Variants in PBRM1 observed in about 807,000 individuals in gnomAD.
The protein encoded by PBRM1 is polybromo 1, also known as protein polybromo-1.
Under a neutral mutation model 194.5 loss-of-function variants are expected in PBRM1, and 27 were observed. That is an observed-to-expected ratio of 0.14 (90% CI 0.10 to 0.19). The LOEUF (loss-of-function observed/expected upper bound fraction) is 0.19, where lower values mean the gene tolerates loss of function less well. Among genes scored for constraint, PBRM1 ranks in the 10% least tolerant of loss-of-function variants. PBRM1 has a pLI of 1.00. For synonymous variants in PBRM1, 655 were observed against 693.2 expected (o/e 0.94, Z 0.87); for missense variants, 1,466 against 2,077.2 (o/e 0.71, Z 5.72).
chr3:52,587,068 T>A (rs959160745), intron 19 of PBRM1, among the ~76,000 whole-genome samples: 19 of 152,116 alleles, frequency 1.2e-4, no homozygotes, highest in Admixed American at 4.6e-4. Flanking sequence ...AACTGAAAAT[T>A]TGTAATGATT....
intron 1 of PBRM1, chr3:52,685,521 T>G (rs1281925585): frequency 6.6e-6 from 1 of 151,928 alleles, no homozygotes; most frequent in African/African-American, 2.4e-5. Context: ...GCGGGGAGTT[T>G]CCGACCCGTA....
At chr3:52,670,711 C>A (rs1224701753) in intron 2 of PBRM1, among the ~76,000 whole-genome samples, 1 of 152,188 alleles carries the variant, frequency 6.6e-6, no homozygotes. Context: ...AGACTATATT[C>A]TCAGCCAGCA....
chr3:52,589,855 T>C (rs2092839723), intron 17 of PBRM1, among the ~76,000 whole-genome samples: 1 of 151,796 alleles, frequency 6.6e-6, no homozygotes, highest in African/African-American at 2.4e-5. Context: ...CGAGACGGAG[T>C]TTCGCTCTTG....
At chr3:52,647,629 T>A (rs140154040) in intron 7 of PBRM1, among the ~76,000 whole-genome samples, 137 of 151,812 alleles carry the variant, frequency 9.0e-4, no homozygotes, top group African/African-American at 3.1e-3. Flanking sequence ...ATCCCTATAG[T>A]AGAATATTAT....
chr3:52,683,265 T>C (rs2097243504), upstream of PBRM1, among the ~76,000 whole-genome samples: 1 of 151,372 alleles, frequency 6.6e-6, no homozygotes. Flanking sequence ...ACCCAGTTAC[T>C]TGGGAGGCTG....
intron 10 of PBRM1, among the ~76,000 whole-genome samples, chr3:52,639,048 A>G (rs2095956355): frequency 6.7e-6 from 1 of 150,354 alleles, no homozygotes; most frequent in African/African-American, 2.5e-5. Context: ...GCAATGGCAC[A>G]ATCTTGGCTC....
Position 52,609,119 on chromosome 3 carries a change from T to C in PBRM1, c.2567+194A>G, listed in dbSNP as rs1044890067. 7.3e-6 allele frequency: 4 copies of C among 544,956 alleles called. No homozygotes were observed. The allele number at this position is 544,956 out of a possible 1,614,324, so 33.8% of individuals were successfully genotyped here. On this transcript the variant is annotated intron_variant, in intron 16 of 29. Transcript: ENST00000296302. The surrounding 1 kb of genome is among the most constrained non-coding windows in gnomAD (Gnocchi z 4.1). ...CTCACTGGCCTTAAACTAGATGACT[T>C]AGTGGTGTGCCTTCTCTCCCCCACA... is the stretch of plus-strand genomic sequence containing the variant.
chr3:52,639,231 C>T (rs2095968121), intron 10 of PBRM1, among the ~76,000 whole-genome samples: 1 of 152,158 alleles, frequency 6.6e-6, no homozygotes, highest in Admixed American at 6.5e-5. Flanking sequence ...CCACCTCAGG[C>T]TCCAAAAGTG....
Position 52,615,539 on chromosome 3 carries a change from A to G in PBRM1, c.1819-83T>C. 5.8e-6 allele frequency: 5 copies of G among 865,096 alleles called. No homozygotes were observed. The South Asian group carries it at 5.8e-5, about 10-fold the overall frequency. 53.6% of individuals were successfully genotyped at this position (865,096 alleles called of 1,614,324 possible). A position where few individuals can be genotyped will look rare whatever the true frequency, so the allele number is the denominator to read the frequency against. The stretch of plus-strand genomic sequence containing the variant: ...ATGCATCCATAAAGAAGTTTTAAAA[A>G]GACAGTTTATGATAGTTGGGAGCTT... On this transcript the variant is annotated intron_variant, in intron 14 of 29. Transcript: ENST00000296302.
At chr3:52,682,545 A>G (rs1009201020), upstream of PBRM1, among the ~76,000 whole-genome samples, 12 of 152,238 alleles carry the variant, frequency 7.9e-5, no homozygotes, top group Non-Finnish European at 1.5e-4. Flanking sequence ...GTAAGATAAG[A>G]AAAAGTTTCA....
exon 18 of PBRM1, chr3:52,589,187 C>A (rs1470122828): frequency 6.2e-7 from 1 of 1,604,848 alleles, no homozygotes; most frequent in Non-Finnish European, 8.5e-7. Flanking sequence ...AAGCTACAGT[C>A]CTGGCTGTAT....
intron 3 of PBRM1, among the ~76,000 whole-genome samples, chr3:52,663,025 T>C (rs1256502618): frequency 2.0e-5 from 3 of 152,158 alleles, no homozygotes; most frequent in Non-Finnish European, 4.4e-5. Flanking sequence ...CATAATAAAC[T>C]CTTGACTGAA....
intron 27 of PBRM1, among the ~76,000 whole-genome samples, chr3:52,552,870 C>T (rs1458084449): frequency 6.6e-6 from 1 of 152,258 alleles, no homozygotes; most frequent in African/African-American, 2.4e-5. Flanking sequence ...CCTGCTGCAA[C>T]AGCAATTCAC....
At chr3:52,548,355 G>T in intron 29 of PBRM1, 120 bp from the exon 32 acceptor site, 2 of 575,928 alleles carry the variant, frequency 3.5e-6, no homozygotes, top group Non-Finnish European at 2.9e-6. Context: ...TAAATATTAT[G>T]AATTTTAACT....
intron 6 of PBRM1, among the ~76,000 whole-genome samples, chr3:52,650,367 A>G (rs2096455823): frequency 7.1e-6 from 1 of 141,456 alleles, no homozygotes; most frequent in South Asian, 2.2e-4. Flanking sequence ...GTCTCAAAAA[A>G]AAAAAAAAAA....
upstream of PBRM1, among the ~76,000 whole-genome samples, chr3:52,680,093 C>T (rs1054372688): frequency 7.2e-5 from 11 of 152,168 alleles, no homozygotes; most frequent in Admixed American, 2.0e-4. Context: ...GGCAGTCAGG[C>T]AGGCCTGGGG....
intron 13 of PBRM1, among the ~76,000 whole-genome samples, chr3:52,618,114 G>A (rs937872732): frequency 3.9e-5 from 6 of 152,286 alleles, no homozygotes; most frequent in South Asian, 2.1e-4. Flanking sequence ...TGTCAGGGTC[G>A]TCCTTGCTTT....
intron 10 of PBRM1, among the ~76,000 whole-genome samples, 174 bp from the exon 12 acceptor site, chr3:52,634,989 G>A (rs2095754260): frequency 6.6e-6 from 1 of 152,142 alleles, no homozygotes; most frequent in Non-Finnish European, 1.5e-5. Flanking sequence ...GCAAGGGTGC[G>A]ATCTTGGCTC....
intron 13 of PBRM1, among the ~76,000 whole-genome samples, chr3:52,623,118 C>G (rs1433302507): frequency 1.3e-5 from 2 of 152,164 alleles, no homozygotes; most frequent in Non-Finnish European, 2.9e-5. Flanking sequence ...TTTTATGTCC[C>G]TTCCTTTCCC....
Sources: gnomAD v4.1 joint callset for allele counts (sites outside exome capture counted in the v4.1 genomes callset) on GRCh38, gnomAD v4.1.1 for gene constraint, Gnocchi (gnomAD v3.1) non-coding constraint, MANE v1.5 for transcripts, NCBI Gene and HGNC (gene_info 2026-07-23, HGNC 2026-07-21) for gene names.